CBFA2T3: variants seen among roughly 807,000 people sequenced by gnomAD.
CBFA2T3 encodes transcriptional corepressor CBFA2T3.
Under a neutral mutation model 58.6 loss-of-function variants are expected in CBFA2T3, and 31 were observed. That is an observed-to-expected ratio of 0.53 (90% confidence interval 0.40 to 0.71). CBFA2T3 has a LOEUF of 0.71. Ranked by LOEUF, CBFA2T3 falls within the 30% of genes least tolerant of loss-of-function variation. The pLI is 0.00. For missense variants in CBFA2T3, 1,076 were observed against 963.1 expected, an observed-to-expected ratio of 1.12 and a Z score of -1.55; for synonymous variants, 531 against 421.9, an observed-to-expected ratio of 1.26 and a Z score of -3.17.
intron 7 of CBFA2T3, chr16:88,884,835 G>A (rs946144876): frequency 1.5e-5 from 7 of 470,258 alleles, no homozygotes; most frequent in East Asian, 7.1e-5. Context: ...CGCCCACCCC[G>A]GGGGGAGAGG....
intron 5 of CBFA2T3, among the ~76,000 whole-genome samples, chr16:88,890,225 C>T (rs78484149): frequency 0.013 from 1,988 of 152,276 alleles, 40 homozygotes; most frequent in African/African-American, 0.043. Flanking sequence ...CCGTTCTTTC[C>T]GCGTGTCCCT....
intron 2 of CBFA2T3, among the ~76,000 whole-genome samples, chr16:88,898,704 C>T (rs1011826793): frequency 9.2e-5 from 14 of 152,178 alleles, no homozygotes; most frequent in Non-Finnish European, 2.1e-4. Context: ...CCTGGGTCGG[C>T]ACTGGAGGAG....
chr16:88,904,781 T>C (rs1026674531), intron 1 of CBFA2T3, among the ~76,000 whole-genome samples: 5 of 152,202 alleles, frequency 3.3e-5, no homozygotes, highest in Non-Finnish European at 5.9e-5. Context: ...TGTTGAATCC[T>C]GTGTGAGTGC....
chr16:88,931,417 G>A (rs1971295803), intron 1 of CBFA2T3, among the ~76,000 whole-genome samples: 2 of 152,058 alleles, frequency 1.3e-5, no homozygotes, highest in Non-Finnish European at 2.9e-5. Context: ...GGTGGGAAGC[G>A]CTCACAAGGA....
chr16:88,934,215 C>T (rs541659101), intron 1 of CBFA2T3, among the ~76,000 whole-genome samples: 4 of 151,084 alleles, frequency 2.6e-5, no homozygotes, highest in East Asian at 1.9e-4. Flanking sequence ...GAGGCACCGG[C>T]GAGAAGGGCT....
chr16:88,886,327 G>A, intron 5 of CBFA2T3, 185 bp from the exon 6 acceptor site: 1 of 447,154 alleles, frequency 2.2e-6, no homozygotes, highest in Non-Finnish European at 3.9e-6. Context: ...GGGTGGCGTG[G>A]GAGGGTGGGC....
At chr16:88,879,920 G>A (rs141215327) in intron 10 of CBFA2T3, 2,010 of 164,006 alleles carry the variant, frequency 0.012, 45 homozygotes, top group African/African-American at 0.042. Context: ...TAACTCTGCC[G>A]TTCCGCCTTC....
At chr16:88,882,007 G>C (rs370206626) in intron 8 of CBFA2T3, among the ~76,000 whole-genome samples, 2 of 152,178 alleles carry the variant, frequency 1.3e-5, no homozygotes, top group African/African-American at 4.8e-5. Flanking sequence ...CAAGACTCAG[G>C]ATAGACTCTG....
At chr16:88,919,761 A>G (rs944077864) in intron 1 of CBFA2T3, among the ~76,000 whole-genome samples, 6 of 152,136 alleles carry the variant, frequency 3.9e-5, no homozygotes, top group Non-Finnish European at 8.8e-5. Context: ...TACAAGAGGA[A>G]CTGTTGGAAA....
At chr16:88,938,446 C>G (rs975281612) in intron 1 of CBFA2T3, 1 of 152,396 alleles carries the variant, frequency 6.6e-6, no homozygotes, top group African/African-American at 2.4e-5. Flanking sequence ...GACTGTACCT[C>G]TCCCGGCGTC....
intron 1 of CBFA2T3, among the ~76,000 whole-genome samples, chr16:88,975,175 T>TGCAG (rs1567643952): frequency 2.1e-5 from 2 of 97,060 alleles, no homozygotes; most frequent in African/African-American, 4.9e-5. Context: ...CCCTCTCTGC[T>TGCAG]CCACATCTTT....
At chr16:88,935,472 A>G (rs887215589) in intron 1 of CBFA2T3, among the ~76,000 whole-genome samples, 3 of 152,192 alleles carry the variant, frequency 2.0e-5, no homozygotes, top group South Asian at 2.1e-4. Flanking sequence ...GGGAGTAACT[A>G]GAGTACAACT....
chr16:88,892,600 CAAT>C, intron 3 of CBFA2T3, 115 bp from the exon 4 acceptor site: 3 of 1,210,752 alleles, frequency 2.5e-6, no homozygotes, highest in East Asian at 4.7e-5. Flanking sequence ...GTGACGGCAA[CAAT>C]GATGAGACAC....
At chr16:88,971,907 C>T (rs767120172) in intron 1 of CBFA2T3, among the ~76,000 whole-genome samples, 26 of 152,232 alleles carry the variant, frequency 1.7e-4, no homozygotes, top group Non-Finnish European at 3.2e-4. Flanking sequence ...TGCCCAGCGC[C>T]CAGGCAGGTT....
chr16:88,933,356 G>A (rs1483982421), intron 1 of CBFA2T3, among the ~76,000 whole-genome samples: 2 of 27,952 alleles, frequency 7.2e-5, no homozygotes, highest in Admixed American at 3.4e-4. Context: ...CTCTGCACAC[G>A]TCACGTGCCT....
At chr16:88,893,387 C>T (rs1969731729) in intron 3 of CBFA2T3, among the ~76,000 whole-genome samples, 2 of 152,208 alleles carry the variant, frequency 1.3e-5, no homozygotes, top group South Asian at 4.1e-4. Context: ...CTACAAGTGT[C>T]TCCCAGCCCT....
chr16:88,927,861 C>A lies in CBFA2T3; in HGVS notation c.152-26205G>T, dbSNP rs140845574. ...GTCCCCTCCTGCTGGGCTGCACGGG[C>A]CACGATGGAAAGGCGCCTCGTGACA... On this transcript the variant is annotated intron_variant, in intron 1 of 11. Coordinates refer to ENST00000268679, the MANE Select transcript of CBFA2T3 (RefSeq NM_005187.6). 3.2e-3 allele frequency among the ~76,000 whole-genome samples: 481 copies of A among 152,330 alleles called. 1 individual carries two copies. The highest frequency in any genetic ancestry group is 6.8e-3 in the Middle Eastern group (2 of 294).
rs60952278 is a variant in CBFA2T3, at chr16:88,926,327, ACCT to A, written c.152-24674_152-24672del. ...CCTCCTCCAATGTCCAGCTGGACAA[ACCT>A]CCTCAATCCACCACTGAAGGCCCCC... On this transcript the variant is annotated intron_variant, in intron 1 of 11. Coordinates refer to ENST00000268679, the MANE Select transcript of CBFA2T3 (RefSeq NM_005187.6). Among the ~76,000 whole-genome samples the A allele has an allele frequency of 4.0e-3, 612 of 152,220 alleles. 6 individuals carry two copies. Among genetic ancestry groups the A allele is most frequent in the African/African-American group, 0.014 (571 of 41,554 alleles).
In CBFA2T3 at chr16:88,879,369, G is replaced by A; in HGVS notation, c.1563C>T (p.Thr521=). The A allele has an allele frequency of 1.9e-6, 3 of 1,613,174 alleles. No homozygotes were observed. The highest frequency in any genetic ancestry group is 1.7e-6 in the Non-Finnish European group (2 of 1,179,874). Residue 521 remains threonine (T), a synonymous_variant, in exon 11 of 12, where the codon ACC becomes ACT. Transcript: ENST00000268679. ...CCCGCTCCATCTTGGCACGCTCCGTGGTGATGAGCTCGTGCGCTTTGCGCT... is the reference window on the plus strand; with the variant it reads ...CCCGCTCCATCTTGGCACGCTCCGTAGTGATGAGCTCGTGCGCTTTGCGCT... ...DAERKAHELI[T]TERAKMERAL...
Sources: allele counts gnomAD v4.1 joint callset (sites outside exome capture counted in the v4.1 genomes callset), GRCh38; gene constraint gnomAD v4.1.1; transcripts MANE v1.5; gene names NCBI Gene and HGNC (gene_info 2026-07-23, HGNC 2026-07-21).